EPHA6: variants seen among roughly 807,000 people sequenced by gnomAD.
EPHA6 encodes the protein EPH receptor A6.
In EPHA6, 50 loss-of-function variants were observed where a neutral mutation model predicts 112.0. That is an observed-to-expected ratio of 0.45 (90% CI 0.36 to 0.56). The LOEUF (loss-of-function observed/expected upper bound fraction) is 0.56, where lower values mean the gene tolerates loss of function less well. Among genes scored for constraint, EPHA6 ranks in the 20% least tolerant of loss-of-function variants. EPHA6 has a pLI of 0.00. For missense variants in EPHA6, 1,280 were observed against 1,417.4 expected, an observed-to-expected ratio of 0.90 and a Z score of 1.56; for synonymous variants, 529 against 490.7, an observed-to-expected ratio of 1.08 and a Z score of -1.03.
intron 7 of EPHA6, among the ~76,000 whole-genome samples, chr3:97,470,493 T>G (rs530481352): frequency 6.6e-6 from 1 of 151,896 alleles, no homozygotes; most frequent in African/African-American, 2.4e-5. Flanking sequence ...TAACAGATTT[T>G]ACTTTGAAAT....
chr3:97,576,518 T>G (rs779754946), intron 11 of EPHA6, among the ~76,000 whole-genome samples: 6 of 152,210 alleles, frequency 3.9e-5, no homozygotes, highest in Non-Finnish European at 8.8e-5. Context: ...GCTTGTATTT[T>G]GGGGGTTAGT....
chr3:96,928,033 C>T (rs1457932862), intron 2 of EPHA6, among the ~76,000 whole-genome samples: 1 of 152,146 alleles, frequency 6.6e-6, no homozygotes, highest in Non-Finnish European at 1.5e-5. Flanking sequence ...ACTATCAGAT[C>T]CCATGAGAAC....
At chr3:97,713,382 T>C (rs1490994216) in intron 14 of EPHA6, among the ~76,000 whole-genome samples, 1 of 152,080 alleles carries the variant, frequency 6.6e-6, no homozygotes, top group African/African-American at 2.4e-5. Flanking sequence ...GCACACATAA[T>C]GAAAACCTCA....
intron 14 of EPHA6, among the ~76,000 whole-genome samples, chr3:97,711,038 C>G (rs1219141823): frequency 1.3e-5 from 2 of 152,178 alleles, no homozygotes; most frequent in African/African-American, 4.8e-5. Context: ...TGTGTCTCCA[C>G]CCAAATTTCA....
chr3:97,574,207 A>C (rs1002692665), intron 11 of EPHA6, among the ~76,000 whole-genome samples: 2 of 152,164 alleles, frequency 1.3e-5, no homozygotes, highest in African/African-American at 4.8e-5. Context: ...TTAATACCCT[A>C]TCCTAAAGGC....
chr3:97,307,530 T>A (rs2081369517), intron 5 of EPHA6, among the ~76,000 whole-genome samples: 1 of 151,748 alleles, frequency 6.6e-6, no homozygotes, highest in Non-Finnish European at 1.5e-5. Flanking sequence ...TCATATGAGC[T>A]CTGACAGAAC....
At chr3:96,992,347 A>G (rs2043247884) in intron 3 of EPHA6, among the ~76,000 whole-genome samples, 1 of 152,168 alleles carries the variant, frequency 6.6e-6, no homozygotes, top group Non-Finnish European at 1.5e-5. Context: ...CACAAGTTTT[A>G]ACTTTTTGTT....
intron 3 of EPHA6, among the ~76,000 whole-genome samples, chr3:97,016,141 G>C (rs1368200352): frequency 2.0e-5 from 3 of 151,912 alleles, no homozygotes; most frequent in Admixed American, 2.0e-4. Context: ...TACCAAAGCA[G>C]CTTGCTGTAG....
At chr3:96,924,446 G>T (rs1352137513) in intron 2 of EPHA6, among the ~76,000 whole-genome samples, 1 of 152,032 alleles carries the variant, frequency 6.6e-6, no homozygotes, top group Non-Finnish European at 1.5e-5. Flanking sequence ...CTCTCTGCTT[G>T]CCTGTTGTTG....
chr3:97,735,272 A>T (rs2035205122), intron 15 of EPHA6, among the ~76,000 whole-genome samples: 1 of 152,054 alleles, frequency 6.6e-6, no homozygotes, highest in Non-Finnish European at 1.5e-5. Flanking sequence ...CTCAGAGGAC[A>T]CTCAAGCTAA....
intron 3 of EPHA6, among the ~76,000 whole-genome samples, chr3:97,112,773 G>A (rs2047762358): frequency 6.6e-6 from 1 of 151,928 alleles, no homozygotes; most frequent in Non-Finnish European, 1.5e-5. Context: ...GCTTCTTAAT[G>A]TATACTCCTT....
At chr3:97,715,413 C>T (rs147249809) in intron 14 of EPHA6, among the ~76,000 whole-genome samples, 84 of 152,238 alleles carry the variant, frequency 5.5e-4, no homozygotes, top group Non-Finnish European at 1.0e-3. Context: ...CAAAATTGCT[C>T]TTAAGGATTT....
At chr3:97,003,541 G>A (rs749849749) in intron 3 of EPHA6, among the ~76,000 whole-genome samples, 3 of 152,052 alleles carry the variant, frequency 2.0e-5, no homozygotes, top group Non-Finnish European at 4.4e-5. Flanking sequence ...GAAGCCTAAG[G>A]CAAAGTTATA....
chr3:97,252,256 A>G (rs145036647), intron 5 of EPHA6, among the ~76,000 whole-genome samples: 1 of 152,058 alleles, frequency 6.6e-6, no homozygotes, highest in Non-Finnish European at 1.5e-5. Flanking sequence ...TGACACTCCC[A>G]GGTTCCCAGG....
At chr3:97,234,120 T>C (rs762103316) in intron 4 of EPHA6, among the ~76,000 whole-genome samples, 4 of 152,136 alleles carry the variant, frequency 2.6e-5, no homozygotes, top group Admixed American at 6.5e-5. Context: ...ATAAAGATTA[T>C]TAGGTGTCTC....
chr3:97,579,069 A>G (rs575332649), intron 11 of EPHA6, among the ~76,000 whole-genome samples: 2 of 152,322 alleles, frequency 1.3e-5, no homozygotes, highest in African/African-American at 4.8e-5. Context: ...ATTCTTTTCT[A>G]TAAATACAGT....
intron 11 of EPHA6, among the ~76,000 whole-genome samples, chr3:97,561,516 TGA>T (rs2093192151): frequency 2.6e-5 from 4 of 152,134 alleles, no homozygotes; most frequent in Admixed American, 2.0e-4. Context: ...CTATGAGGGC[TGA>T]GAGAGTTGAA....
At position 97,750,067 on chromosome 3, in the gene EPHA6, T is replaced by C. The variant is rs1393132816; in HGVS notation, c.*1366T>C. On this transcript the variant is annotated 3_prime_UTR_variant, in exon 18 of 18. Transcript: ENST00000389672. ...GAGTTGGCTTATCAAAATTGTGCTA[T>C]ATCTTATGAACAAATTAAATTATAA... is the stretch of plus-strand genomic sequence containing the variant. Among the ~76,000 whole-genome samples, 2 of 152,152 alleles carry C rather than the reference T, an allele frequency of 1.3e-5. No homozygotes were observed. The highest frequency in any genetic ancestry group is 2.9e-5 in the Non-Finnish European group (2 of 68,024).
At chr3:97,229,954 A>T (rs937688543) in intron 4 of EPHA6, among the ~76,000 whole-genome samples, 1 of 152,076 alleles carries the variant, frequency 6.6e-6, no homozygotes, top group African/African-American at 2.4e-5. Context: ...TTTCTCACTT[A>T]TGGAAAAAAG....
Sources: gnomAD v4.1 joint callset for allele counts (sites outside exome capture counted in the v4.1 genomes callset) on GRCh38, gnomAD v4.1.1 for gene constraint, MANE v1.5 for transcripts, NCBI Gene and HGNC (gene_info 2026-07-23, HGNC 2026-07-21) for gene names.